Variants in AKNA observed in about 807,000 individuals in gnomAD.
AKNA encodes microtubule organization protein AKNA.
AKNA carries 67 observed loss-of-function variants against 138.8 expected under a neutral mutation model. The ratio of observed to expected loss-of-function variants is 0.48; its 90% CI spans 0.40 to 0.59. AKNA has a LOEUF of 0.59. Among genes scored for constraint, AKNA ranks in the 20% least tolerant of loss-of-function variants. The pLI, the probability that AKNA is intolerant of heterozygous loss-of-function variation, is 0.00. For synonymous variants in AKNA, 737 were observed against 754.4 expected (o/e 0.98, Z 0.38); for missense variants, 1,813 against 1,880.4 (o/e 0.96, Z 0.66).
rs764519125 is a variant in AKNA at position 114,336,139 on chromosome 9, T to C, written c.*915A>G. ...GCAGAGACACGGATGGCTTTGGGTA[T>C]TTTTTTTGTCTTCTTTTCTTTTTTT... On this transcript the variant is annotated 3_prime_UTR_variant, in exon 22 of 22. Coordinates refer to ENST00000374088, the MANE Select transcript of AKNA (RefSeq NM_001317950.2). 3 of 152,508 alleles carry C rather than the reference T, an allele frequency of 2.0e-5. No homozygotes were observed. The highest frequency in any genetic ancestry group is 4.8e-5 in the African/African-American group (2 of 41,432). The allele number at this position is 152,508 out of a possible 1,614,324, so 9.4% of individuals were successfully genotyped here. A position where few individuals can be genotyped will look rare whatever the true frequency, so the allele number is the denominator to read the frequency against.
At chr9:114,331,394 C>T (rs1829848828), downstream of AKNA, among the ~76,000 whole-genome samples, 1 of 152,080 alleles carries the variant, frequency 6.6e-6, no homozygotes, top group Non-Finnish European at 1.5e-5. Context: ...ACAGAAAGTG[C>T]TTGGCGTGGA....
chr9:114,360,506 A>G (rs1231732414), intron 9 of AKNA, among the ~76,000 whole-genome samples: 1 of 152,180 alleles, frequency 6.6e-6, no homozygotes, highest in Non-Finnish European at 1.5e-5. Flanking sequence ...CTGCAGGAGC[A>G]TGAGGGTCCC....
At position 114,347,836 on chromosome 9, in the gene AKNA, G is replaced by A. The variant is rs1830800410; in HGVS notation, c.3286C>T (p.His1096Tyr). Residue 1096 changes from histidine (H) to tyrosine (Y), a missense_variant, in exon 16 of 22, where the codon CAC becomes TAC. Transcript: ENST00000374088. Reference protein sequence around the residue: ...RLRLRLEDSLHQPLQGSPTRP... With the variant: ...RLRLRLEDSLYQPLQGSPTRP... ...GTCGGGCTGCCCTGGAGTGGCTGGT[G>A]CAGGCTGTCTTCCAGCCGCAGACGA... 1 of 1,550,186 alleles carries A rather than the reference G, an allele frequency of 6.5e-7. No individual in the cohort carries two copies. Among genetic ancestry groups the A allele is most frequent in the South Asian group, 1.2e-5 (1 of 83,834 alleles).
At chr9:114,345,685 A>G in intron 18 of AKNA, 178 bp downstream of exon 18, 2 of 574,642 alleles carry the variant, frequency 3.5e-6, no homozygotes, top group Admixed American at 6.8e-5. Flanking sequence ...GAATGAATGA[A>G]TGAACAAGTG....
In AKNA at chr9:114,341,541, A is replaced by T. The variant is rs1175379294; in HGVS notation, c.4059T>A (p.Pro1353=). The change falls in exon 21 of 22, where the codon CCT becomes CCA. Residue 1353 remains proline (P), a synonymous_variant. Transcript: ENST00000374088. ...ISSVPIMPYP[P]AAVYYAPAGP... ...AGAATGAAGGCTCTTACACAGCGGCAGGTGGATAAGGCATGATGGGAACCG... is the reference window on the plus strand; with the variant it reads ...AGAATGAAGGCTCTTACACAGCGGCTGGTGGATAAGGCATGATGGGAACCG... 3.7e-6 allele frequency: 6 copies of T among 1,614,000 alleles called. No individual in the cohort carries two copies. The African/African-American group carries it at 8.0e-5, about 22-fold the overall frequency.
rs61744863 is a variant in AKNA, at chr9:114,358,053, G to A, written c.2607C>T (p.Gly869=). 11,822 of 1,612,186 alleles carry A rather than the reference G, an allele frequency of 7.3e-3. 343 individuals carry two copies. In the African/African-American group the frequency reaches 0.08, roughly 11 times the overall value. ...GKAEAAPPGP[G]VPPHPPGTKS... ...TGGTGCCTGGAGGGTGGGGTGGCAC[G>A]CCAGGGCCTGGAGGGGCTGCCTCAG... The change falls in exon 12 of 22, where the codon GGC becomes GGT. Residue 869 remains glycine (G), a synonymous_variant. Transcript: ENST00000374088.
chr9:114,363,493 C>T (rs1229838380), intron 7 of AKNA, among the ~76,000 whole-genome samples: 1 of 152,214 alleles, frequency 6.6e-6, no homozygotes, highest in Non-Finnish European at 1.5e-5. Flanking sequence ...CTTGGTCATC[C>T]ACTGGATGAT....
chr9:114,343,793 G>A lies in AKNA; in HGVS notation c.3672C>T (p.Tyr1224=). ...TFRGQYTGHE[Y]HVLSPKAVPK... ...GGACCGCCTTAGGGGACAGAACATG[G>A]TATTCGTGGCCTGGGGAAAGAAACC... The change falls in exon 19 of 22, where the codon TAC becomes TAT. Residue 1224 remains tyrosine (Y), a synonymous_variant. Transcript: ENST00000374088. 1 of 1,607,652 alleles carries A rather than the reference G, an allele frequency of 6.2e-7. No homozygotes were observed. The highest frequency in any genetic ancestry group is 8.5e-7 in the Non-Finnish European group (1 of 1,174,586).
chr9:114,388,065 G>A, upstream of AKNA: 1 of 269,474 alleles, frequency 3.7e-6, no homozygotes, highest in Non-Finnish European at 8.1e-6. Flanking sequence ...CCTCGCCTCG[G>A]CAGGAAGCGC....
upstream of AKNA, among the ~76,000 whole-genome samples, chr9:114,388,409 G>T (rs942688048): frequency 2.0e-5 from 3 of 152,190 alleles, no homozygotes; most frequent in African/African-American, 7.2e-5. Context: ...TGTGCACGGT[G>T]AGAGCTCAGA....
chr9:114,396,116 C>A (rs1834526497), upstream of AKNA, among the ~76,000 whole-genome samples: 1 of 152,152 alleles, frequency 6.6e-6, no homozygotes, highest in African/African-American at 2.4e-5. Context: ...CTGTGTAGGG[C>A]TCTGTACTAG....
chr9:114,359,205 G>A (rs1831733692), intron 11 of AKNA: 1 of 238,762 alleles, frequency 4.2e-6, no homozygotes, highest in Non-Finnish European at 8.0e-6. Flanking sequence ...AATAGCTAGG[G>A]CTATAGGCGT....
At chr9:114,392,935 G>T (rs1374984634), upstream of AKNA, among the ~76,000 whole-genome samples, 1 of 152,194 alleles carries the variant, frequency 6.6e-6, no homozygotes, top group Non-Finnish European at 1.5e-5. Context: ...TATGAGGAGG[G>T]TGTGGCCATA....
chr9:114,347,064 G>A (rs1255500363), intron 16 of AKNA, among the ~76,000 whole-genome samples: 2 of 152,106 alleles, frequency 1.3e-5, no homozygotes, highest in Non-Finnish European at 2.9e-5. Flanking sequence ...TTCATCAAGT[G>A]CCCTCCCATA....
chr9:114,377,138 G>A lies in AKNA; in HGVS notation c.669C>T (p.Thr223=), dbSNP rs757942772. The change falls in exon 3 of 22, where the codon ACC becomes ACT. Residue 223 remains threonine (T), a synonymous_variant. Transcript: ENST00000374088. ...DSLDSTWEGE[T]DGPQPTALAE... is the part of the protein sequence containing the mutation. ...CCAGGGCAGTGGGCTGGGGGCCATC[G>A]GTCTCTCCTTCCCAGGTAGAATCAA... 6.8e-6 allele frequency: 11 copies of A among 1,614,174 alleles called. No individual in the cohort carries two copies. Among genetic ancestry groups the A allele is most frequent in the African/African-American group, 2.7e-5 (2 of 75,066 alleles).
chr9:114,393,502 G>A (rs1159784230), intron 1 of AKNA, among the ~76,000 whole-genome samples: 1 of 151,864 alleles, frequency 6.6e-6, no homozygotes, highest in East Asian at 1.9e-4. Context: ...TGGGATTACA[G>A]GCGTGAGCCA....
At chr9:114,348,676 A>G (rs1276984286) in intron 15 of AKNA, among the ~76,000 whole-genome samples, 2 of 152,190 alleles carry the variant, frequency 1.3e-5, no homozygotes. Context: ...TTTCTCTCCA[A>G]TCAGTCCCTG....
upstream of AKNA, chr9:114,396,892 T>G (rs920843007): frequency 1.3e-5 from 2 of 152,210 alleles, no homozygotes; most frequent in Non-Finnish European, 2.9e-5. Context: ...TTAAAAATAC[T>G]TTTCCTTCTC....
At chr9:114,347,453 C>T (rs1393172126) in intron 16 of AKNA, among the ~76,000 whole-genome samples, 2 of 152,160 alleles carry the variant, frequency 1.3e-5, no homozygotes, top group African/African-American at 2.4e-5. Context: ...CTCCTGAACT[C>T]GTCATCTTCC....
Sources: allele counts gnomAD v4.1 joint callset (sites outside exome capture counted in the v4.1 genomes callset), GRCh38; gene constraint gnomAD v4.1.1; transcripts MANE v1.5; gene names NCBI Gene and HGNC (gene_info 2026-07-23, HGNC 2026-07-21).